DNAH12: variants seen among roughly 807,000 people sequenced by gnomAD.
DNAH12 encodes the protein dynein axonemal heavy chain 12.
A neutral mutation model predicts 371.5 loss-of-function variants in DNAH12; 285 were observed. The observed-to-expected ratio is 0.77, with a 90% CI of 0.70 to 0.85. The LOEUF is 0.85. Among genes scored for constraint, DNAH12 ranks in the 40% least tolerant of loss-of-function variants. The pLI is 0.00. For missense variants in DNAH12, 3,611 were observed against 3,689.4 expected (o/e 0.98, Z 0.55); for synonymous variants, 1,200 against 1,213.0 (o/e 0.99, Z 0.22).
At chr3:57,300,518 T>C (rs1348490767) in intron 70 of DNAH12, among the ~76,000 whole-genome samples, 2 of 151,558 alleles carry the variant, frequency 1.3e-5, no homozygotes, top group African/African-American at 4.9e-5. Flanking sequence ...AGGATATGAA[T>C]TGACAGTACA....
rs367839282 is a variant in DNAH12 at position 57,453,412 on chromosome 3, T to TAAA, written c.3457-12_3457-10dup. ...TAATACTTCTTTAATCCCTACAAAATAAAAAAAAAAGCAATCTAATTGATG... is the reference window on the plus strand; with the variant it reads ...TAATACTTCTTTAATCCCTACAAAATAAAAAAAAAAAAAGCAATCTAATTGATG... On this transcript the variant is annotated splice_polypyrimidine_tract_variant and intron_variant, in intron 23 of 73. Transcript: ENST00000495027. The TAAA allele has an allele frequency of 9.5e-5, 130 of 1,371,324 alleles. No individual in the cohort carries two copies. The highest frequency in any genetic ancestry group is 3.8e-4 in the Middle Eastern group (2 of 5,274). 84.9% of individuals were successfully genotyped at this position (1,371,324 alleles called of 1,614,324 possible).
At chr3:57,297,140 C>T in intron 70 of DNAH12, 156 bp from the exon 71 acceptor site, 1 of 698,072 alleles carries the variant, frequency 1.4e-6, no homozygotes, top group Non-Finnish European at 2.3e-6. Flanking sequence ...TACCTTGGCC[C>T]TCTCACCTCT....
At position 57,374,490 on chromosome 3, in the gene DNAH12, C is replaced by G. The variant is rs1021256567; in HGVS notation, c.8759+881G>C. Among the ~76,000 whole-genome samples the G allele has an allele frequency of 2.1e-3, 321 of 152,112 alleles. 1 individual carries two copies. The Middle Eastern group carries it at 0.024, about 11-fold the overall frequency. ...ATAAATAAAAGGATAACAATAAAGG[C>G]CATTTGAAAAGTTTTTATAGTTATC... On this transcript the variant is annotated intron_variant, in intron 55 of 73. Transcript: ENST00000495027.
At position 57,301,677 on chromosome 3, in the gene DNAH12, TACACACACACACACACAC is replaced by T. The variant is rs57748737; in HGVS notation, c.11394+40_11394+57del. On this transcript the variant is annotated intron_variant, in intron 70 of 73. Transcript: ENST00000495027. ...ATTTTACATATTTATACATGTATTTTACACACACACACACACACACACACACACACACACACACACACA... is the reference window on the plus strand; with the variant it reads ...ATTTTACATATTTATACATGTATTTTACACACACACACACACACACACACA... 3.8e-3 allele frequency: 4,362 copies of T among 1,151,624 alleles called. 42 individuals carry two copies. Among genetic ancestry groups the T allele is most frequent in the Middle Eastern group, 9.2e-3 (45 of 4,912 alleles). 71.3% of individuals were successfully genotyped at this position (1,151,624 alleles called of 1,614,324 possible).
chr3:57,301,783 G>A lies in DNAH12; in HGVS notation c.11346C>T (p.Pro3782=). 1 of 1,551,174 alleles carries A rather than the reference G, an allele frequency of 6.4e-7. No homozygotes were observed. Among genetic ancestry groups the A allele is most frequent in the Non-Finnish European group, 8.7e-7 (1 of 1,146,938 alleles). Residue 3782 remains proline, a synonymous_variant, in exon 70 of 74, where the codon CCC becomes CCT. Transcript: ENST00000495027. ...GGAAATCTGTGATGTAACTTCCCAGGGGCTTAAGGCTTGGGTATGAACGTT... is the reference window on the plus strand; with the variant it reads ...GGAAATCTGTGATGTAACTTCCCAGAGGCTTAAGGCTTGGGTATGAACGTT... ...WAKRSYPSLK[P]LGSYITDFLA...
Position 57,296,585 on chromosome 3 carries a change from A to G in DNAH12, c.11533-150T>C, listed in dbSNP as rs1399873828. The G allele has an allele frequency of 3.1e-5, 24 of 777,950 alleles. No individual in the cohort carries two copies. The South Asian group carries it at 3.9e-4, about 13-fold the overall frequency. 48.2% of individuals were successfully genotyped at this position (777,950 alleles called of 1,614,324 possible). ...TACATTTTTTCAGCCGTAGTTTGTA[A>G]AAAAGTATAAAAGTACTTCTTTTTG... On this transcript the variant is annotated intron_variant, in intron 71 of 73. Coordinates refer to ENST00000495027, the MANE Select transcript of DNAH12 (RefSeq NM_001366028.2).
chr3:57,366,274 A>G (rs1024408165), intron 57 of DNAH12, among the ~76,000 whole-genome samples: 1 of 152,136 alleles, frequency 6.6e-6, no homozygotes, highest in Non-Finnish European at 1.5e-5. Flanking sequence ...TCTATGGTCT[A>G]AAAAAGGGAA....
chr3:57,388,098 G>T (rs1000990034), intron 45 of DNAH12, among the ~76,000 whole-genome samples: 139 of 152,232 alleles, frequency 9.1e-4, no homozygotes, highest in African/African-American at 3.2e-3. Context: ...TTAGTGAAAT[G>T]GTTCCTTCCT....
chr3:57,390,565 G>A (rs977644499), intron 45 of DNAH12, among the ~76,000 whole-genome samples: 1 of 147,752 alleles, frequency 6.8e-6, no homozygotes, highest in South Asian at 2.2e-4. Flanking sequence ...AAACAAATCA[G>A]TACCAGAAAC....
intron 11 of DNAH12, 60 bp from the exon 12 acceptor site, chr3:57,489,747 T>C: frequency 7.2e-7 from 1 of 1,398,248 alleles, no homozygotes; most frequent in East Asian, 2.7e-5. Flanking sequence ...GATTTTATAA[T>C]ATTGTATTGT....
chr3:57,535,523 T>G (rs1391894646), intron 2 of DNAH12, among the ~76,000 whole-genome samples: 1 of 151,962 alleles, frequency 6.6e-6, no homozygotes, highest in African/African-American at 2.4e-5. Flanking sequence ...AAACCTCTAT[T>G]TTTTTTATAT....
At chr3:57,322,862 G>A (rs966929536) in intron 64 of DNAH12, 145 bp downstream of exon 64, 28 of 1,190,610 alleles carry the variant, frequency 2.4e-5, no homozygotes, top group African/African-American at 1.7e-4. Flanking sequence ...CCCGGGAGGC[G>A]AAGTTTGCGG....
upstream of DNAH12, chr3:57,548,692 TGAGACACG>T (rs2069596810): frequency 6.6e-6 from 1 of 151,796 alleles, no homozygotes; most frequent in Admixed American, 6.6e-5. Flanking sequence ...GGTGACAGAG[TGAGACACG>T]GTCTCAAAAA....
At chr3:57,326,198 A>G (rs1401170153) in intron 62 of DNAH12, among the ~76,000 whole-genome samples, 5 of 152,106 alleles carry the variant, frequency 3.3e-5, no homozygotes, top group African/African-American at 7.2e-5. Context: ...AGATTCAGGA[A>G]ATACAGAGAA....
At chr3:57,439,705 C>T (rs116318616) in intron 29 of DNAH12, among the ~76,000 whole-genome samples, 3,552 of 152,096 alleles carry the variant, frequency 0.023, 64 homozygotes, top group Non-Finnish European at 0.034. Context: ...ATTTAAACTA[C>T]AGAGCTTCTG....
At chr3:57,385,050 C>CT (rs1191786836) in intron 48 of DNAH12, 45 bp from the exon 49 acceptor site, 1 of 152,182 alleles carries the variant, frequency 6.6e-6, no homozygotes, top group African/African-American at 2.4e-5. Context: ...CACCCTATTG[C>CT]TTTCTCAATC....
rs2064851580 is a variant in DNAH12, at chr3:57,428,463, C to T, written c.5253+170G>A. The T allele has an allele frequency of 5.2e-6, 8 of 1,533,702 alleles. No homozygotes were observed. In the East Asian group the frequency reaches 1.7e-4, roughly 33 times the overall value. On this transcript the variant is annotated intron_variant, in intron 34 of 73. Transcript: ENST00000495027. ...AATAGTTTAGCTGGAATAATTCAAC[C>T]CCTGAGTTATGCAGCTATAACTTAA...
chr3:57,468,144 T>A (rs1270311952), intron 17 of DNAH12, among the ~76,000 whole-genome samples: 1 of 152,122 alleles, frequency 6.6e-6, no homozygotes, highest in Admixed American at 6.6e-5. Context: ...TAAAATCTTA[T>A]TTTTTTCTGA....
chr3:57,348,769 A>G lies in DNAH12; in HGVS notation c.9674+3316T>C, dbSNP rs73090855. Reference sequence around the variant, plus strand: ...ATGTTCTTAGATTGAAACACTCAGTATTGTGAAATTGTTAATTTTCCACAA... The same window carrying G: ...ATGTTCTTAGATTGAAACACTCAGTGTTGTGAAATTGTTAATTTTCCACAA... On this transcript the variant is annotated intron_variant, in intron 60 of 73. Coordinates refer to ENST00000495027, the MANE Select transcript of DNAH12 (RefSeq NM_001366028.2). 9.0e-3 allele frequency among the ~76,000 whole-genome samples: 1,364 copies of G among 152,326 alleles called. 38 individuals carry two copies. The highest frequency in any genetic ancestry group is 9.0e-3 in the Non-Finnish European group (612 of 68,032).
Sources: allele counts gnomAD v4.1 joint callset (sites outside exome capture counted in the v4.1 genomes callset), GRCh38; gene constraint gnomAD v4.1.1; transcripts MANE v1.5; gene names NCBI Gene and HGNC (gene_info 2026-07-23, HGNC 2026-07-21).